Variants in SCN8A observed in about 807,000 individuals in gnomAD.
SCN8A encodes the protein sodium channel protein type 8 subunit alpha.
Under a neutral mutation model 184.1 loss-of-function variants are expected in SCN8A, and 30 were observed. The observed-to-expected ratio is 0.16, with a 90% CI of 0.12 to 0.22. The LOEUF (loss-of-function observed/expected upper bound fraction) is 0.22, where lower values mean the gene tolerates loss of function less well. Among genes scored for constraint, SCN8A ranks in the 10% least tolerant of loss-of-function variants. The probability of loss-of-function intolerance (pLI) is 1.00; values close to 1 mark genes in which losing one functional copy is unlikely to be tolerated. For synonymous variants in SCN8A, 852 were observed against 907.0 expected, an observed-to-expected ratio of 0.94 and a Z score of 1.09; for missense variants, 1,057 against 2,498.9, an observed-to-expected ratio of 0.42 and a Z score of 12.30.
At chr12:51,804,403 C>G (rs1361634528) in intron 26 of SCN8A, among the ~76,000 whole-genome samples, 1 of 151,698 alleles carries the variant, frequency 6.6e-6, no homozygotes, top group Non-Finnish European at 1.5e-5. Context: ...ACTGCAACCT[C>G]TGCCTCCCAG....
intron 1 of SCN8A, among the ~76,000 whole-genome samples, chr12:51,595,560 T>C (rs913415921): frequency 6.6e-6 from 1 of 152,224 alleles, no homozygotes; most frequent in Admixed American, 6.5e-5. Flanking sequence ...TGCTATGTAT[T>C]GGCTTTGTGA....
rs1942911137 is a variant in SCN8A, at chr12:51,770,608, C to T, written c.3570C>T (p.Thr1190=). Residue 1190 remains threonine (T), a synonymous_variant, in exon 19 of 27, where the codon ACC becomes ACT. Transcript: ENST00000627620. ...LGKSWWILRK[T]CFLIVEHNWF... is the part of the protein sequence containing the mutation. ...AGTCTTGGTGGATCCTGCGGAAAAC[C>T]TGCTTCCTCATCGTGGAGCACAACT... 3 of 1,614,190 alleles carry T rather than the reference C, an allele frequency of 1.9e-6. No individual in the cohort carries two copies. The highest frequency in any genetic ancestry group is 1.7e-6 in the Non-Finnish European group (2 of 1,180,008).
chr12:51,698,103 C>A (rs1381436239), intron 6 of SCN8A, among the ~76,000 whole-genome samples: 1 of 152,210 alleles, frequency 6.6e-6, no homozygotes. Flanking sequence ...ATCCACCTTT[C>A]TTGGCCTCCC....
At chr12:51,684,966 TC>T (rs1941395665) in intron 3 of SCN8A, among the ~76,000 whole-genome samples, 4 of 152,198 alleles carry the variant, frequency 2.6e-5, no homozygotes, top group Admixed American at 1.3e-4. Flanking sequence ...GCTTGAAACT[TC>T]CATGGCTGGT....
intron 1 of SCN8A, among the ~76,000 whole-genome samples, chr12:51,618,772 C>T (rs576492192): frequency 6.6e-4 from 101 of 152,214 alleles, no homozygotes; most frequent in African/African-American, 2.4e-3. Flanking sequence ...GAGGCAGGTT[C>T]TCAACCTTGA....
At chr12:51,770,835 G>C (rs1942915280) in intron 19 of SCN8A, among the ~76,000 whole-genome samples, 152 bp downstream of exon 19, 1 of 152,210 alleles carries the variant, frequency 6.6e-6, no homozygotes, top group African/African-American at 2.4e-5. Context: ...TTAGGCTGCT[G>C]CTTTGAGCCT....
At chr12:51,773,982 TA>T (rs763150932) in intron 19 of SCN8A, among the ~76,000 whole-genome samples, 3 of 152,208 alleles carry the variant, frequency 2.0e-5, no homozygotes, top group Non-Finnish European at 4.4e-5. Flanking sequence ...AAAGCCATTT[TA>T]AATGGCTGAA....
intron 12 of SCN8A, among the ~76,000 whole-genome samples, chr12:51,739,063 C>T (rs1942376008): frequency 6.6e-6 from 1 of 152,152 alleles, no homozygotes; most frequent in African/African-American, 2.4e-5. Flanking sequence ...CAGTGTTTTC[C>T]TTTTTTTATA....
At chr12:51,799,041 A>G (rs538859097) in intron 26 of SCN8A, among the ~76,000 whole-genome samples, 107 of 152,322 alleles carry the variant, frequency 7.0e-4, no homozygotes, top group Non-Finnish European at 1.4e-3. Context: ...GAAAGGGGCT[A>G]TAGTGCTGCA....
chr12:51,592,963 AT>A (rs78801013), intron 1 of SCN8A, among the ~76,000 whole-genome samples: 7 of 152,122 alleles, frequency 4.6e-5, no homozygotes, highest in Admixed American at 1.3e-4. Context: ...CTCAAAAAAA[AT>A]TTTTTTTTTG....
At chr12:51,760,653 G>A (rs1008719652) in intron 14 of SCN8A, among the ~76,000 whole-genome samples, 1 of 152,234 alleles carries the variant, frequency 6.6e-6, no homozygotes, top group South Asian at 2.1e-4. Context: ...ATGTATGTCA[G>A]GATTTGATGA....
intron 20 of SCN8A, 49 bp from the exon 21 acceptor site, chr12:51,780,600 T>TTTTTTTTTA: frequency 2.3e-6 from 1 of 426,502 alleles, no homozygotes; most frequent in South Asian, 2.6e-5. Flanking sequence ...TTTTTTTTTT[T>TTTTTTTTTA]TTTTGGTTAC....
chr12:51,782,832 C>T (rs937615125), intron 21 of SCN8A, among the ~76,000 whole-genome samples: 1 of 152,132 alleles, frequency 6.6e-6, no homozygotes, highest in Non-Finnish European at 1.5e-5. Flanking sequence ...TTTCCTGGAC[C>T]CTCAGTTTCC....
chr12:51,727,727 C>G (rs1942177701), intron 12 of SCN8A, among the ~76,000 whole-genome samples: 1 of 152,150 alleles, frequency 6.6e-6, no homozygotes, highest in South Asian at 2.1e-4. Context: ...CTTTGGGAGG[C>G]TGAGGCGGGC....
At chr12:51,703,661 G>A (rs936450678) in intron 9 of SCN8A, among the ~76,000 whole-genome samples, 6 of 152,218 alleles carry the variant, frequency 3.9e-5, no homozygotes, top group African/African-American at 1.4e-4. Flanking sequence ...TGAAGTTAGT[G>A]TAAGTGATTG....
chr12:51,730,474 A>G (rs1024558254), intron 12 of SCN8A, among the ~76,000 whole-genome samples: 3 of 152,254 alleles, frequency 2.0e-5, no homozygotes, highest in African/African-American at 4.8e-5. Context: ...AGAACAAAAA[A>G]TAATATTTTT....
chr12:51,682,977 T>C (rs1486837278), intron 2 of SCN8A, among the ~76,000 whole-genome samples: 1 of 152,218 alleles, frequency 6.6e-6, no homozygotes, highest in African/African-American at 2.4e-5. Flanking sequence ...ATCTGCCCAA[T>C]TAATTTTTCT....
intron 25 of SCN8A, among the ~76,000 whole-genome samples, chr12:51,792,119 G>T (rs554233790): frequency 3.3e-5 from 5 of 152,062 alleles, no homozygotes; most frequent in African/African-American, 1.2e-4. Context: ...TAACTAGAGG[G>T]CTATAAGTGG....
chr12:51,702,671 C>G, intron 8 of SCN8A, 102 bp from the exon 9 acceptor site: 7 of 929,838 alleles, frequency 7.5e-6, no homozygotes, highest in Non-Finnish European at 1.0e-5. Context: ...TTTATTATCT[C>G]CAAGGTCATG....
Sources: gnomAD v4.1 joint callset for allele counts (sites outside exome capture counted in the v4.1 genomes callset) on GRCh38, gnomAD v4.1.1 for gene constraint, MANE v1.5 for transcripts, NCBI Gene and HGNC (gene_info 2026-07-23, HGNC 2026-07-21) for gene names.